RBM46: variants seen among roughly 807,000 people sequenced by gnomAD.
The protein encoded by RBM46 is probable RNA-binding protein 46.
In RBM46, 12 loss-of-function variants were observed where a neutral mutation model predicts 43.3. The ratio of observed to expected loss-of-function variants is 0.28; its 90% confidence interval spans 0.18 to 0.45. RBM46 has a LOEUF of 0.45. Among genes scored for constraint, RBM46 ranks in the 20% least tolerant of loss-of-function variants. The pLI is 1.00. For missense variants in RBM46, 412 were observed against 639.1 expected, an observed-to-expected ratio of 0.64 and a Z score of 3.83; for synonymous variants, 205 against 207.6, an observed-to-expected ratio of 0.99 and a Z score of 0.11.
intron 4 of RBM46, among the ~76,000 whole-genome samples, chr4:154,800,565 T>G (rs1734584385): frequency 6.6e-6 from 1 of 152,222 alleles, no homozygotes; most frequent in African/African-American, 2.4e-5. Flanking sequence ...AATATCACTA[T>G]GGTGTTTTCC....
intron 4 of RBM46, among the ~76,000 whole-genome samples, chr4:154,824,996 C>T (rs976635494): frequency 8.6e-5 from 13 of 151,998 alleles, no homozygotes; most frequent in African/African-American, 3.1e-4. Flanking sequence ...TTGAAATAAA[C>T]ATAGGATGTA....
chr4:154,788,011 G>A (rs1225026600), intron 1 of RBM46, among the ~76,000 whole-genome samples: 1 of 152,212 alleles, frequency 6.6e-6, no homozygotes, highest in South Asian at 2.1e-4. Context: ...CATATCCTTC[G>A]CCTACTTTTT....
chr4:154,799,564 G>A lies in RBM46; in HGVS notation c.1402G>A (p.Asp468Asn). 11 of 1,509,916 alleles carry A rather than the reference G, an allele frequency of 7.3e-6. No homozygotes were observed. The highest frequency in any genetic ancestry group is 4.1e-5 in the South Asian group (3 of 72,390). The allele number at this position is 1,509,916 out of a possible 1,614,324, so 93.5% of individuals were successfully genotyped here. Residue 468 changes from aspartate to asparagine, a missense_variant and splice_region_variant, in exon 4 of 5, where the codon GAC becomes AAC. Physicochemically the swap from Asp to Asn is conservative, Grantham distance 23 (BLOSUM62 1). This residue lies in a region of RBM46 where 149 missense variants were observed against 156.3 expected (regional missense o/e 0.95). Coordinates refer to ENST00000281722, the MANE Select transcript of RBM46 (RefSeq NM_144979.5). ...LAAQFTLLHLDYNFHRSSINS... is the reference protein window; with the variant it reads ...LAAQFTLLHLNYNFHRSSINS... Reference sequence around the variant, plus strand: ...AGCCCAGTTTACATTACTTCATTTGGGTAAGTTTAAAAATACTTTAAATGA... The same window carrying A: ...AGCCCAGTTTACATTACTTCATTTGAGTAAGTTTAAAAATACTTTAAATGA...
At chr4:154,826,883 A>G (rs999361786) in intron 4 of RBM46, 85 of 1,482,728 alleles carry the variant, frequency 5.7e-5, no homozygotes, top group Admixed American at 7.7e-5. Flanking sequence ...GGCATCATTT[A>G]TAGTACCAGG....
intron 4 of RBM46, among the ~76,000 whole-genome samples, chr4:154,818,540 G>A (rs1259522733): frequency 6.6e-6 from 1 of 152,058 alleles, no homozygotes; most frequent in African/African-American, 2.4e-5. Flanking sequence ...ATTTTCAGAA[G>A]TTTTACTATT....
chr4:154,826,151 A>AAAAAAAAAAAAG (rs1489791015), intron 4 of RBM46, among the ~76,000 whole-genome samples: 7 of 83,044 alleles, frequency 8.4e-5, no homozygotes, highest in African/African-American at 2.4e-4. Context: ...GATCCTTTTA[A>AAAAAAAAAAAAG]AAAAAAAAAA....
In RBM46 at chr4:154,788,989, T is replaced by C. The variant is rs540988599; in HGVS notation, c.-12+7553T>C. ...GATTTGGCTCTCTGTTTTTTATTGGTGTATAAGAATGCTTGTGATTTTTGC... is the reference window on the plus strand; with the variant it reads ...GATTTGGCTCTCTGTTTTTTATTGGCGTATAAGAATGCTTGTGATTTTTGC... On this transcript the variant is annotated intron_variant, in intron 1 of 4. Coordinates refer to ENST00000281722, the MANE Select transcript of RBM46 (RefSeq NM_144979.5). Among the ~76,000 whole-genome samples the C allele has an allele frequency of 8.5e-4, 130 of 152,280 alleles. 1 individual carries two copies. The highest frequency in any genetic ancestry group is 2.9e-3 in the African/African-American group (121 of 41,554).
chr4:154,826,738 C>CT, intron 4 of RBM46: 15 of 998,926 alleles, frequency 1.5e-5, no homozygotes, highest in South Asian at 5.0e-5. Context: ...TTTCATTTTT[C>CT]CTTTTTTTTT....
chr4:154,813,820 C>T (rs947013747), intron 4 of RBM46, among the ~76,000 whole-genome samples: 3 of 151,968 alleles, frequency 2.0e-5, no homozygotes, highest in Admixed American at 6.6e-5. Flanking sequence ...TTGGAATACA[C>T]CGGAATCCTG....
chr4:154,818,531 T>A (rs1735574701), intron 4 of RBM46, among the ~76,000 whole-genome samples: 1 of 152,212 alleles, frequency 6.6e-6, no homozygotes, highest in East Asian at 1.9e-4. Flanking sequence ...TTATCTATGA[T>A]TTTCAGAAGT....
intron 1 of RBM46, among the ~76,000 whole-genome samples, chr4:154,790,085 T>C (rs373343193): frequency 2.0e-5 from 3 of 152,180 alleles, no homozygotes; most frequent in African/African-American, 4.8e-5. Flanking sequence ...GTCTTGCTAG[T>C]GGTCTATCAA....
At chr4:154,807,989 A>G (rs1324575672) in intron 4 of RBM46, among the ~76,000 whole-genome samples, 3 of 151,992 alleles carry the variant, frequency 2.0e-5, no homozygotes, top group African/African-American at 4.8e-5. Flanking sequence ...TAGTTTGCCT[A>G]TACATTGCTT....
chr4:154,793,136 C>G (rs12645853), intron 1 of RBM46, among the ~76,000 whole-genome samples: 1 of 152,152 alleles, frequency 6.6e-6, no homozygotes. Flanking sequence ...AATATATTTT[C>G]TACTTGCTCT....
rs543076602 is a variant in RBM46 at position 154,799,721 on chromosome 4, T to C, written c.1402+157T>C. On this transcript the variant is annotated intron_variant, in intron 4 of 4. Coordinates refer to ENST00000281722, the MANE Select transcript of RBM46 (RefSeq NM_144979.5). ...AAGTCATGATAACTTTCTTGAAACT[T>C]GTGCCCTGTAAAATCTTCCTACATT... Among the ~76,000 whole-genome samples the C allele has an allele frequency of 1.5e-4, 23 of 152,062 alleles. No individual in the cohort carries two copies. The South Asian group carries it at 4.8e-3, about 32-fold the overall frequency.
At chr4:154,806,579 T>C (rs1324515439) in intron 4 of RBM46, among the ~76,000 whole-genome samples, 2 of 151,772 alleles carry the variant, frequency 1.3e-5, no homozygotes, top group Non-Finnish European at 3.0e-5. Flanking sequence ...CAAGAAATAA[T>C]CCATCAGTTT....
At chr4:154,826,980 A>G (rs891887922) in intron 4 of RBM46, 2 of 1,288,316 alleles carry the variant, frequency 1.6e-6, no homozygotes, top group Non-Finnish European at 2.0e-6. Context: ...ATGTTTCTAA[A>G]TAATGATTTT....
chr4:154,812,992 T>C (rs1735255476), intron 4 of RBM46, among the ~76,000 whole-genome samples: 1 of 152,232 alleles, frequency 6.6e-6, no homozygotes, highest in Non-Finnish European at 1.5e-5. Flanking sequence ...AAATTTTTCT[T>C]CCATCAGTGT....
At chr4:154,791,874 G>A (rs1008970670) in intron 1 of RBM46, among the ~76,000 whole-genome samples, 1 of 151,918 alleles carries the variant, frequency 6.6e-6, no homozygotes, top group Non-Finnish European at 1.5e-5. Flanking sequence ...TTTTGTTGCC[G>A]GACTTTTCCA....
At chr4:154,827,022 C>A in intron 4 of RBM46, 1 of 1,231,688 alleles carries the variant, frequency 8.1e-7, no homozygotes, top group Non-Finnish European at 1.0e-6. Flanking sequence ...GCTTATTTTA[C>A]ACTAAAGAAC....
Sources: allele counts gnomAD v4.1 joint callset (sites outside exome capture counted in the v4.1 genomes callset), GRCh38; gene constraint gnomAD v4.1.1; regional missense constraint gnomAD v4.1.1; transcripts MANE v1.5; gene names NCBI Gene and HGNC (gene_info 2026-07-23, HGNC 2026-07-21).